Variants in KCNJ10 observed in about 807,000 individuals in gnomAD.
KCNJ10 encodes the protein potassium inwardly rectifying channel subfamily J member 10.
A neutral mutation model predicts 22.2 loss-of-function variants in KCNJ10; 9 were observed. The observed-to-expected ratio is 0.40, with a 90% confidence interval of 0.24 to 0.71. KCNJ10 has a LOEUF of 0.71. KCNJ10 is among the 30% of genes least tolerant of loss of function. KCNJ10 has a pLI of 0.35. For missense variants in KCNJ10, 337 were observed against 482.7 expected (o/e 0.70, Z 2.83); for synonymous variants, 184 against 187.3 (o/e 0.98, Z 0.15).
At chr1:160,049,306 T>C (rs968076427) in intron 1 of KCNJ10, among the ~76,000 whole-genome samples, 3 of 152,116 alleles carry the variant, frequency 2.0e-5, no homozygotes, top group Non-Finnish European at 2.9e-5. Context: ...TCTAGCCTTA[T>C]CTCCGACCAC....
At chr1:160,046,469 G>A (rs1423378937) in intron 1 of KCNJ10, among the ~76,000 whole-genome samples, 1 of 152,150 alleles carries the variant, frequency 6.6e-6, no homozygotes, top group Non-Finnish European at 1.5e-5. Flanking sequence ...CATGCTCTCA[G>A]CAGGTGCCAC....
intron 1 of KCNJ10, among the ~76,000 whole-genome samples, chr1:160,058,416 C>A (rs753247352): frequency 1.8e-4 from 27 of 152,212 alleles, no homozygotes; most frequent in Non-Finnish European, 3.5e-4. Context: ...GTGATAAAAT[C>A]CAGGGTCTTC....
In KCNJ10 at chr1:160,046,505, A is replaced by T. The variant is rs1294449772; in HGVS notation, c.1-3973T>A. ...TATGGTACGCTGTATGTAAGACCAC[A>T]CATCCCAGGGTTAAGGCTCTAGACT... On this transcript the variant is annotated intron_variant, in intron 1 of 1. Coordinates refer to ENST00000644903, the MANE Select transcript of KCNJ10 (RefSeq NM_002241.5). 3.3e-5 allele frequency among the ~76,000 whole-genome samples: 5 copies of T among 152,240 alleles called. No homozygotes were observed. In the East Asian group the frequency reaches 9.6e-4, roughly 29 times the overall value.
At chr1:160,046,873 G>A (rs191163016) in intron 1 of KCNJ10, among the ~76,000 whole-genome samples, 11 of 152,310 alleles carry the variant, frequency 7.2e-5, no homozygotes, top group Admixed American at 4.6e-4. Context: ...TCTAGAGGGT[G>A]CTATTTCCCC....
rs1332386153 is a variant in KCNJ10, at chr1:160,043,308, CACACACAA to C, written c.1-784_1-777del. Among the ~76,000 whole-genome samples the C allele has an allele frequency of 6.2e-4, 94 of 150,904 alleles. 1 individual carries two copies. Among genetic ancestry groups the C allele is most frequent in the Middle Eastern group, 3.4e-3 (1 of 290 alleles). ...ACACACACACACACACACACACACACACACACAACCTTAATTTCTTCATTCTCTGCTCT... is the reference window on the plus strand; with the variant it reads ...ACACACACACACACACACACACACACCCTTAATTTCTTCATTCTCTGCTCT... On this transcript the variant is annotated intron_variant, in intron 1 of 1. Coordinates refer to ENST00000644903, the MANE Select transcript of KCNJ10 (RefSeq NM_002241.5).
intron 1 of KCNJ10, among the ~76,000 whole-genome samples, chr1:160,045,778 G>C (rs1648729710): frequency 6.6e-6 from 1 of 152,196 alleles, no homozygotes; most frequent in Non-Finnish European, 1.5e-5. Flanking sequence ...GTTGATTCAG[G>C]AGAAGAGACA....
chr1:160,059,040 G>T (rs1406103337), intron 1 of KCNJ10, among the ~76,000 whole-genome samples: 1 of 152,192 alleles, frequency 6.6e-6, no homozygotes, highest in Non-Finnish European at 1.5e-5. Flanking sequence ...GCCAGGCATT[G>T]TGCTGGACGC....
chr1:160,056,148 T>C (rs1220963856), intron 1 of KCNJ10, among the ~76,000 whole-genome samples: 1 of 152,168 alleles, frequency 6.6e-6, no homozygotes, highest in African/African-American at 2.4e-5. Context: ...GAGGCTGCCC[T>C]AGTTCATTCA....
intron 1 of KCNJ10, among the ~76,000 whole-genome samples, chr1:160,044,178 C>A (rs1443126919): frequency 3.3e-5 from 5 of 152,158 alleles, no homozygotes; most frequent in African/African-American, 1.2e-4. Flanking sequence ...CAAGGATGCC[C>A]AATTTACCAG....
At chr1:160,060,813 C>T (rs1006548875) in intron 1 of KCNJ10, among the ~76,000 whole-genome samples, 1 of 152,044 alleles carries the variant, frequency 6.6e-6, no homozygotes, top group African/African-American at 2.4e-5. Context: ...CTCGTGCAGA[C>T]GTAGGATAAT....
At chr1:160,046,170 A>G (rs1648737634) in intron 1 of KCNJ10, among the ~76,000 whole-genome samples, 1 of 152,182 alleles carries the variant, frequency 6.6e-6, no homozygotes, top group Non-Finnish European at 1.5e-5. Context: ...GAGATTCTAC[A>G]TATCTTGGAG....
At chr1:160,069,592 A>G (rs965960469) in intron 1 of KCNJ10, among the ~76,000 whole-genome samples, 2 of 142,624 alleles carry the variant, frequency 1.4e-5, no homozygotes, top group African/African-American at 5.1e-5. Flanking sequence ...GGGTGTCACT[A>G]TGTGATTGTC....
chr1:160,061,974 G>T (rs1366072083), intron 1 of KCNJ10, among the ~76,000 whole-genome samples: 1 of 151,946 alleles, frequency 6.6e-6, no homozygotes, highest in African/African-American at 2.4e-5. Context: ...AGGAGAGGTG[G>T]CAGCCACAGG....
At chr1:160,047,455 A>G (rs1571268337) in intron 1 of KCNJ10, among the ~76,000 whole-genome samples, 3 of 152,210 alleles carry the variant, frequency 2.0e-5, no homozygotes, top group Non-Finnish European at 2.9e-5. Context: ...GTCTCTGCCT[A>G]CTTCTGACTT....
At chr1:160,053,438 A>C (rs2101930539) in intron 1 of KCNJ10, among the ~76,000 whole-genome samples, 1 of 152,318 alleles carries the variant, frequency 6.6e-6, no homozygotes, top group East Asian at 1.9e-4. Flanking sequence ...AAAGCACTGC[A>C]TGGTTATGTA....
At chr1:160,043,316 A>ACACAC (rs1557968547) in intron 1 of KCNJ10, among the ~76,000 whole-genome samples, 35 of 142,486 alleles carry the variant, frequency 2.5e-4, no homozygotes, top group Non-Finnish European at 3.4e-4. Context: ...CACACACACA[A>ACACAC]CCTTAATTTC....
Position 160,043,294 on chromosome 1 carries a change from C to T in KCNJ10, c.1-762G>A, listed in dbSNP as rs1648657808. On this transcript the variant is annotated intron_variant, in intron 1 of 1. Coordinates refer to ENST00000644903, the MANE Select transcript of KCNJ10 (RefSeq NM_002241.5). ...TAAAACACACACACACACACACACA[C>T]ACACACACACACACACACACAACCT... Among the ~76,000 whole-genome samples the T allele has an allele frequency of 2.0e-5, 3 of 151,474 alleles. No homozygotes were observed. In the East Asian group the frequency reaches 5.8e-4, roughly 29 times the overall value.
chr1:160,041,425 T>A lies in KCNJ10; in HGVS notation c.1108A>T (p.Ser370Cys). ...TTGCTGATGCGCACACTAAGGGCACTGCCCTCCTTCTCAGCTTGCTCCCTT... is the reference window on the plus strand; with the variant it reads ...TTGCTGATGCGCACACTAAGGGCACAGCCCTCCTTCTCAGCTTGCTCCCTT... ...SLREQAEKEG[S>C]ALSVRISNV is the part of the protein sequence containing the mutation. Residue 370 changes from serine (S) to cysteine (C), a missense_variant, in exon 2 of 2, where the codon AGT (serine) becomes TGT (cysteine). Transcript: ENST00000644903. The surrounding 1 kb of genome is among the most constrained non-coding windows in gnomAD (Gnocchi z 4.4). 6.2e-7 allele frequency: 1 copy of A among 1,613,694 alleles called. No homozygotes were observed. Among genetic ancestry groups the A allele is most frequent in the Non-Finnish European group, 8.5e-7 (1 of 1,179,972 alleles).
intron 1 of KCNJ10, among the ~76,000 whole-genome samples, chr1:160,058,568 A>G (rs1005546209): frequency 6.6e-6 from 1 of 152,150 alleles, no homozygotes; most frequent in Non-Finnish European, 1.5e-5. Context: ...GGGGAGCCCA[A>G]TGCTTCCTTG....
Sources: gnomAD v4.1 joint callset for allele counts (sites outside exome capture counted in the v4.1 genomes callset) on GRCh38, gnomAD v4.1.1 for gene constraint, Gnocchi (gnomAD v3.1) non-coding constraint, MANE v1.5 for transcripts, NCBI Gene and HGNC (gene_info 2026-07-23, HGNC 2026-07-21) for gene names.